The following FMN2 variants were observed in gnomAD, a reference collection of about 807,000 sequenced individuals.
FMN2 encodes formin-2.
A neutral mutation model predicts 142.3 loss-of-function variants in FMN2; 51 were observed. That is an observed-to-expected ratio of 0.36 (90% CI 0.29 to 0.45). The LOEUF is 0.45. Ranked by LOEUF, FMN2 falls within the 20% of genes least tolerant of loss-of-function variation. The pLI is 1.00. For synonymous variants in FMN2, 882 were observed against 869.8 expected (o/e 1.01, Z -0.25); for missense variants, 1,936 against 2,122.8 (o/e 0.91, Z 1.73).
At chr1:240,270,217 T>C (rs991134586) in intron 7 of FMN2, among the ~76,000 whole-genome samples, 12 of 152,016 alleles carry the variant, frequency 7.9e-5, no homozygotes. Flanking sequence ...TATACCCAAT[T>C]TGTTGGGAGT....
chr1:240,253,989 G>A (rs1023066696), intron 6 of FMN2, among the ~76,000 whole-genome samples: 3 of 152,140 alleles, frequency 2.0e-5, no homozygotes, highest in African/African-American at 7.2e-5. Context: ...AGGTGCTTGA[G>A]GTGGCAGTGG....
At chr1:240,123,113 C>A (rs899277658) in intron 1 of FMN2, 66 bp from the exon 2 acceptor site, 1 of 1,578,310 alleles carries the variant, frequency 6.3e-7, no homozygotes, top group Non-Finnish European at 8.6e-7. Flanking sequence ...CAGCCGCTGT[C>A]CCCTGGCGAG....
chr1:240,210,605 C>T (rs1232257277), intron 5 of FMN2, among the ~76,000 whole-genome samples: 1 of 152,106 alleles, frequency 6.6e-6, no homozygotes, highest in Non-Finnish European at 1.5e-5. Context: ...GATGTGTTTA[C>T]CCTTTTTAGG....
At chr1:240,399,487 A>G (rs1011231476) in intron 15 of FMN2, among the ~76,000 whole-genome samples, 3 of 152,134 alleles carry the variant, frequency 2.0e-5, no homozygotes, top group Admixed American at 6.5e-5. Flanking sequence ...GTTGTGTCCT[A>G]TTACGTCTTA....
chr1:240,251,103 T>C (rs1448313050), intron 6 of FMN2, among the ~76,000 whole-genome samples: 1 of 152,084 alleles, frequency 6.6e-6, no homozygotes, highest in African/African-American at 2.4e-5. Flanking sequence ...CTAATCTTCA[T>C]TACTTATTTC....
At chr1:240,225,766 T>C (rs1231290003) in intron 6 of FMN2, among the ~76,000 whole-genome samples, 2 of 152,030 alleles carry the variant, frequency 1.3e-5, no homozygotes, top group African/African-American at 4.8e-5. Context: ...AACGCACCCA[T>C]TAAAAATATC....
chr1:240,214,666 A>G (rs1164347312), intron 6 of FMN2, among the ~76,000 whole-genome samples: 1 of 152,162 alleles, frequency 6.6e-6, no homozygotes, highest in Non-Finnish European at 1.5e-5. Context: ...AGAGCCAGTA[A>G]GTGTTTAGTC....
intron 6 of FMN2, among the ~76,000 whole-genome samples, chr1:240,214,357 C>T (rs1405617314): frequency 6.6e-6 from 1 of 151,738 alleles, no homozygotes; most frequent in African/African-American, 2.4e-5. Context: ...GGAGACCATC[C>T]TGGCTAACAT....
intron 8 of FMN2, among the ~76,000 whole-genome samples, chr1:240,326,197 A>G (rs1220157596): frequency 6.6e-6 from 1 of 152,136 alleles, no homozygotes; most frequent in African/African-American, 2.4e-5. Context: ...CCCCAGAGAG[A>G]AAAAGAGAAA....
intron 6 of FMN2, among the ~76,000 whole-genome samples, chr1:240,254,418 C>A (rs1185387349): frequency 1.2e-4 from 18 of 151,888 alleles, no homozygotes; most frequent in East Asian, 5.8e-4. Flanking sequence ...CATTCCCAAG[C>A]CTCTGGGTGG....
At chr1:240,119,343 A>C (rs906944192) in intron 1 of FMN2, among the ~76,000 whole-genome samples, 1 of 151,874 alleles carries the variant, frequency 6.6e-6, no homozygotes, top group African/African-American at 2.4e-5. Flanking sequence ...AAAAAAAAAA[A>C]AGTGCCTCCA....
At chr1:240,281,181 T>C (rs1428139172) in intron 7 of FMN2, among the ~76,000 whole-genome samples, 1 of 152,098 alleles carries the variant, frequency 6.6e-6, no homozygotes, top group East Asian at 1.9e-4. Context: ...GATGTACCAG[T>C]GTTGGATTGT....
intron 7 of FMN2, among the ~76,000 whole-genome samples, chr1:240,270,980 CAA>C (rs956708325): frequency 6.6e-6 from 1 of 150,690 alleles, no homozygotes; most frequent in Non-Finnish European, 1.5e-5. Flanking sequence ...AATAGCTAAA[CAA>C]GAGGGTTTAA....
chr1:240,368,818 G>C (rs1445397742), intron 14 of FMN2, among the ~76,000 whole-genome samples: 2 of 152,024 alleles, frequency 1.3e-5, no homozygotes, highest in Non-Finnish European at 1.5e-5. Flanking sequence ...AAATTGATTG[G>C]AGGTTTTCAT....
chr1:240,184,236 C>CTTTTTTTTTTTTTTTTTT (rs34050336), intron 3 of FMN2, among the ~76,000 whole-genome samples: 7 of 79,450 alleles, frequency 8.8e-5, no homozygotes, highest in East Asian at 4.2e-4. Flanking sequence ...AATATTTAAC[C>CTTTTTTTTTTTTTTTTTT]TTTTTTTTTT....
At position 240,208,500 on chromosome 1, in the gene FMN2, A is replaced by G. The variant is rs1470772876; in HGVS notation, c.3688A>G (p.Thr1230Ala). ...AGCTCCCCCACTCCCTCCACCTGGG[A>G]CAGGAATCCCACCGCCCCCTCTGCT... is the stretch of plus-strand genomic sequence containing the variant. ...APAPPLPPPG[T>A]GIPPPPLLPV... is the part of the protein sequence containing the mutation. Residue 1230 changes from threonine (T) to alanine (A), a missense_variant, in exon 5 of 18, where the codon ACA becomes GCA. Transcript: ENST00000319653. 3.7e-6 allele frequency: 6 copies of G among 1,607,410 alleles called. No individual in the cohort carries two copies. Among genetic ancestry groups the G allele is most frequent in the Admixed American group, 1.7e-5 (1 of 59,366 alleles).
intron 1 of FMN2, among the ~76,000 whole-genome samples, chr1:240,108,380 C>T (rs887337354): frequency 3.3e-5 from 5 of 152,116 alleles, no homozygotes; most frequent in African/African-American, 1.2e-4. Context: ...AAATGGCCCT[C>T]CTTATTTTTT....
chr1:240,372,633 G>GT (rs1343585086), intron 14 of FMN2, among the ~76,000 whole-genome samples: 2 of 147,882 alleles, frequency 1.4e-5, no homozygotes, highest in East Asian at 2.0e-4. Flanking sequence ...TTTGGAGGAA[G>GT]AATTTCTTTT....
chr1:240,388,227 CAAAAAAAAAAAAAAAAAA>C (rs761610582), intron 14 of FMN2, among the ~76,000 whole-genome samples: 1 of 6,052 alleles, frequency 1.7e-4, no homozygotes, highest in Non-Finnish European at 2.6e-4. Context: ...GTGCTCAAAG[CAAAAAAAAAAAAAAAAAA>C]AAAAAAAAAT....
Sources: gnomAD v4.1 joint callset for allele counts (sites outside exome capture counted in the v4.1 genomes callset) on GRCh38, gnomAD v4.1.1 for gene constraint, MANE v1.5 for transcripts, NCBI Gene and HGNC (gene_info 2026-07-23, HGNC 2026-07-21) for gene names.